RANBP10: variants seen among roughly 807,000 people sequenced by gnomAD.
The protein encoded by RANBP10 is RAN binding protein 10, also known as ran-binding protein 10.
In RANBP10, 24 loss-of-function variants were observed where a neutral mutation model predicts 72.8. That is an observed-to-expected ratio of 0.33 (90% CI 0.24 to 0.46). The LOEUF is 0.46. RANBP10 is among the 20% of genes least tolerant of loss of function. The pLI is 1.00. For missense variants in RANBP10, 679 were observed against 817.5 expected (o/e 0.83, Z 2.07); for synonymous variants, 310 against 322.3 (o/e 0.96, Z 0.41).
At chr16:67,754,882 G>A (rs2054259947) in intron 3 of RANBP10, among the ~76,000 whole-genome samples, 1 of 152,168 alleles carries the variant, frequency 6.6e-6, no homozygotes, top group African/African-American at 2.4e-5. Flanking sequence ...GAGTAGGCAT[G>A]GTTGTCAAAG....
At chr16:67,752,877 A>G (rs911218186) in intron 3 of RANBP10, among the ~76,000 whole-genome samples, 4 of 152,212 alleles carry the variant, frequency 2.6e-5, no homozygotes, top group African/African-American at 9.7e-5. Context: ...AAAGGAATAA[A>G]GACAGGGAAA....
chr16:67,782,417 G>A (rs889540511), intron 2 of RANBP10, among the ~76,000 whole-genome samples: 5 of 152,012 alleles, frequency 3.3e-5, no homozygotes, highest in South Asian at 2.1e-4. Flanking sequence ...GTGAGCCACC[G>A]TACCCAGCCA....
In RANBP10 at chr16:67,730,993, C is replaced by G. The variant is rs768099343; in HGVS notation, c.889+479G>C. 6.0e-6 allele frequency: 1 copy of G among 165,498 alleles called. No homozygotes were observed. Among genetic ancestry groups the G allele is most frequent in the African/African-American group, 2.4e-5 (1 of 41,706 alleles). 10.3% of individuals were successfully genotyped at this position (165,498 alleles called of 1,614,324 possible). A position where few individuals can be genotyped will look rare whatever the true frequency, so the allele number is the denominator to read the frequency against. On this transcript the variant is annotated intron_variant, in intron 7 of 13. Transcript: ENST00000317506. This position sits in a 1 kb window ranked among gnomAD's most constrained non-coding sequence, Gnocchi z 4.3. ...AGGACTTTAGGTTGTCTGCAAAGGG[C>G]AGGACCAGTGGTGGGGAGCAGAGGG...
chr16:67,804,455 G>A (rs1206775224), intron 2 of RANBP10, among the ~76,000 whole-genome samples: 10 of 151,856 alleles, frequency 6.6e-5, no homozygotes, highest in Admixed American at 6.6e-4. Context: ...AGGCTAGAGT[G>A]CAGTGGTGCA....
Position 67,734,931 on chromosome 16 carries a change from C to T in RANBP10, c.703G>A (p.Ala235Thr). 1.2e-6 allele frequency: 2 copies of T among 1,613,932 alleles called. No homozygotes were observed. Among genetic ancestry groups the T allele is most frequent in the Non-Finnish European group, 1.7e-6 (2 of 1,179,940 alleles). The change falls in exon 6 of 14, where the codon GCC (alanine) becomes ACC (threonine). Residue 235 changes from alanine (A) to threonine (T), a missense_variant. By Grantham distance (58) the Ala-to-Thr change is moderately conservative. Coordinates refer to ENST00000317506, the MANE Select transcript of RANBP10 (RefSeq NM_020850.3). The part of the protein sequence containing the change: ...DIEDYMREWR[A>T]KVQGTVHCFP... ...CAGTGGACCGTGCCCTGGACCTTGG[C>T]ACGCCACTCCCGCATGTAGTCCTCA... is the stretch of plus-strand genomic sequence containing the variant.
chr16:67,787,160 ACCCGGGAGGCAAAAGTT>A (rs2054931344), intron 2 of RANBP10, among the ~76,000 whole-genome samples: 2 of 152,004 alleles, frequency 1.3e-5, no homozygotes, highest in African/African-American at 4.8e-5. Context: ...AATCACTTGA[ACCCGGGAGGCAAAAGTT>A]CCAATGAGCT....
intron 2 of RANBP10, among the ~76,000 whole-genome samples, chr16:67,803,685 G>A (rs1289496500): frequency 2.0e-5 from 3 of 150,954 alleles, no homozygotes; most frequent in Non-Finnish European, 4.4e-5. Flanking sequence ...AGCCAGGCGT[G>A]GTGGCATGCA....
At chr16:67,803,376 T>G (rs2055270988) in intron 2 of RANBP10, among the ~76,000 whole-genome samples, 1 of 151,204 alleles carries the variant, frequency 6.6e-6, no homozygotes, top group Admixed American at 6.6e-5. Flanking sequence ...TTAGGCTGGG[T>G]GCGGTGGCCC....
chr16:67,790,563 A>G (rs919199326), intron 2 of RANBP10, among the ~76,000 whole-genome samples: 15 of 151,778 alleles, frequency 9.9e-5, no homozygotes, highest in African/African-American at 3.2e-4. Flanking sequence ...CGATGAGACA[A>G]GGGAGGCCCT....
At chr16:67,755,691 A>G (rs1212160640) in intron 3 of RANBP10, among the ~76,000 whole-genome samples, 2 of 151,054 alleles carry the variant, frequency 1.3e-5, no homozygotes, top group Non-Finnish European at 3.0e-5. Flanking sequence ...CTCAAAAAAA[A>G]AAAAAAAAAA....
chr16:67,744,761 C>T (rs576392477), intron 3 of RANBP10, among the ~76,000 whole-genome samples: 1 of 152,348 alleles, frequency 6.6e-6, no homozygotes, highest in Non-Finnish European at 1.5e-5. Flanking sequence ...CAAGGGAAGC[C>T]TTGTGAAGGA....
At chr16:67,727,552 T>C in intron 12 of RANBP10, 114 bp from the exon 13 acceptor site, 1 of 1,322,900 alleles carries the variant, frequency 7.6e-7, no homozygotes, top group Non-Finnish European at 1.1e-6. Flanking sequence ...GAATGTGGGG[T>C]GTAGGGTCGG....
At position 67,770,683 on chromosome 16, in the gene RANBP10, C is replaced by T. The variant is rs373360463; in HGVS notation, c.400+1351G>A. Among the ~76,000 whole-genome samples the T allele has an allele frequency of 1.5e-4, 23 of 152,304 alleles. No homozygotes were observed. In the South Asian group the frequency reaches 1.9e-3, roughly 12 times the overall value. ...CCATTTTCTGGAACCCATCAGTTCACGGCAGAAGCTCTGTCTCCCCAGTTG... is the reference window on the plus strand; with the variant it reads ...CCATTTTCTGGAACCCATCAGTTCATGGCAGAAGCTCTGTCTCCCCAGTTG... On this transcript the variant is annotated intron_variant, in intron 3 of 13. Transcript: ENST00000317506.
At chr16:67,735,507 C>A (rs1306277350) in intron 5 of RANBP10, 1 of 153,136 alleles carries the variant, frequency 6.5e-6, no homozygotes, top group African/African-American at 2.4e-5. Flanking sequence ...GTAATCCCAG[C>A]ACTTTGGGAG....
intron 4 of RANBP10, among the ~76,000 whole-genome samples, chr16:67,743,980 G>A (rs1013444901): frequency 1.3e-5 from 2 of 152,166 alleles, no homozygotes; most frequent in Admixed American, 6.5e-5. Flanking sequence ...CTATGCAAGG[G>A]TTCCCCAAAC....
chr16:67,736,049 A>T (rs900384994), intron 5 of RANBP10, among the ~76,000 whole-genome samples: 3 of 151,970 alleles, frequency 2.0e-5, no homozygotes, highest in African/African-American at 7.2e-5. Flanking sequence ...TCCCCACTGC[A>T]ACTGTCCAGA....
chr16:67,772,577 T>C (rs190439078), intron 2 of RANBP10, among the ~76,000 whole-genome samples: 1 of 152,290 alleles, frequency 6.6e-6, no homozygotes, highest in Admixed American at 6.5e-5. Context: ...AACGAGCTTG[T>C]TCTCTGGGTC....
chr16:67,805,344 A>G, intron 2 of RANBP10, 84 bp downstream of exon 2: 1 of 1,247,156 alleles, frequency 8.0e-7, no homozygotes, highest in African/African-American at 1.5e-5. Flanking sequence ...CACATCAGCA[A>G]CAAGTGCCAG....
intron 4 of RANBP10, chr16:67,739,821 T>C (rs2143004705): frequency 6.6e-6 from 1 of 152,006 alleles, no homozygotes; most frequent in Admixed American, 6.6e-5. Flanking sequence ...CCAAGAGAAG[T>C]GGCTGCATTT....
Sources: gnomAD v4.1 joint callset for allele counts (sites outside exome capture counted in the v4.1 genomes callset) on GRCh38, gnomAD v4.1.1 for gene constraint, Gnocchi (gnomAD v3.1) non-coding constraint, MANE v1.5 for transcripts, NCBI Gene and HGNC (gene_info 2026-07-23, HGNC 2026-07-21) for gene names.